The following LINGO2 variants were observed in gnomAD, a reference collection of about 807,000 sequenced individuals.
LINGO2 encodes leucine-rich repeat and immunoglobulin-like domain-containing nogo receptor-interacting protein 2.
Under a neutral mutation model 30.6 loss-of-function variants are expected in LINGO2, and 14 were observed. The ratio of observed to expected loss-of-function variants is 0.46; its 90% CI spans 0.30 to 0.72. The LOEUF (loss-of-function observed/expected upper bound fraction) is 0.72. LINGO2 is among the 30% of genes least tolerant of loss of function. The pLI is 0.07. For synonymous variants in LINGO2, 317 were observed against 288.5 expected (o/e 1.10, Z -1.00); for missense variants, 729 against 751.7 (o/e 0.97, Z 0.35).
At chr9:28,865,804 G>T in the LINGO2 span, among the ~76,000 whole-genome samples, 3 of 151,892 alleles carry the variant, frequency 2.0e-5, no homozygotes, top group Non-Finnish European at 4.4e-5. Context: ...ACAAAACAAA[G>T]AAACAAAAAA....
chr9:28,331,756 T>C (rs2134347298), intron 3 of LINGO2, among the ~76,000 whole-genome samples: 1 of 152,304 alleles, frequency 6.6e-6, no homozygotes, highest in African/African-American at 2.4e-5. Flanking sequence ...TCCTCCTGTC[T>C]TGGCCTCCCC....
chr9:28,910,591 G>A, the LINGO2 span, among the ~76,000 whole-genome samples: 1 of 151,962 alleles, frequency 6.6e-6, no homozygotes, highest in Non-Finnish European at 1.5e-5. Context: ...GTTCTTATGA[G>A]ATCTGATTGT....
chr9:28,631,446 G>T (rs556630884), intron 1 of LINGO2, among the ~76,000 whole-genome samples: 36 of 152,060 alleles, frequency 2.4e-4, no homozygotes, highest in African/African-American at 7.7e-4. Flanking sequence ...AAGGGATCCA[G>T]TTTCAGCTTT....
the LINGO2 span, among the ~76,000 whole-genome samples, chr9:28,892,622 G>A: frequency 6.6e-6 from 1 of 151,788 alleles, no homozygotes; most frequent in Non-Finnish European, 1.5e-5. Flanking sequence ...AATTTCTCTT[G>A]ACATACTCTT....
At chr9:27,943,283 A>C (rs1439505622), downstream of LINGO2, 1 of 152,146 alleles carries the variant, frequency 6.6e-6, no homozygotes, top group African/African-American at 2.4e-5. Flanking sequence ...TTCAGTATGG[A>C]CAGTTATCTT....
intron 4 of LINGO2, among the ~76,000 whole-genome samples, chr9:28,120,055 G>C (rs956486844): frequency 1.3e-5 from 2 of 152,120 alleles, no homozygotes; most frequent in Non-Finnish European, 2.9e-5. Context: ...AATTTCAATT[G>C]GGAACGGCTC....
At chr9:29,115,062 C>A in the LINGO2 span, among the ~76,000 whole-genome samples, 1 of 151,908 alleles carries the variant, frequency 6.6e-6, no homozygotes, top group Non-Finnish European at 1.5e-5. Context: ...TCTTTTAATT[C>A]ATAAAATTAA....
chr9:28,243,018 A>C (rs2133979959), intron 4 of LINGO2, among the ~76,000 whole-genome samples: 1 of 152,308 alleles, frequency 6.6e-6, no homozygotes, highest in South Asian at 2.1e-4. Context: ...ACTGCAAAAC[A>C]CAAGAAAATA....
chr9:28,742,064 C>T, the LINGO2 span, among the ~76,000 whole-genome samples: 1 of 151,974 alleles, frequency 6.6e-6, no homozygotes, highest in Non-Finnish European at 1.5e-5. Flanking sequence ...CCTTAGTCTT[C>T]AGGCACTGCC....
At chr9:28,489,184 A>G (rs983238242) in intron 1 of LINGO2, among the ~76,000 whole-genome samples, 2 of 152,128 alleles carry the variant, frequency 1.3e-5, no homozygotes, top group African/African-American at 4.8e-5. Flanking sequence ...AATGATCATG[A>G]TATCACACTT....
intron 4 of LINGO2, among the ~76,000 whole-genome samples, chr9:28,081,512 G>T (rs575068469): frequency 1.3e-5 from 2 of 152,268 alleles, no homozygotes; most frequent in East Asian, 3.9e-4. Context: ...AACATTAAAA[G>T]AAGAAAGGTA....
At chr9:29,124,038 G>T in the LINGO2 span, among the ~76,000 whole-genome samples, 1 of 152,256 alleles carries the variant, frequency 6.6e-6, no homozygotes, top group Non-Finnish European at 1.5e-5. Flanking sequence ...AACCAAAACA[G>T]CATGGTACTT....
chr9:29,210,600 A>G, the LINGO2 span, among the ~76,000 whole-genome samples: 1 of 152,188 alleles, frequency 6.6e-6, no homozygotes, highest in Non-Finnish European at 1.5e-5. Context: ...TACATGAATG[A>G]CAAACTTTAT....
intron 5 of LINGO2, among the ~76,000 whole-genome samples, chr9:27,990,084 T>C (rs549197328): frequency 5.5e-4 from 84 of 152,154 alleles, no homozygotes; most frequent in African/African-American, 1.7e-3. Context: ...AGTATTAAAA[T>C]CACTCTCCTT....
the LINGO2 span, among the ~76,000 whole-genome samples, chr9:28,999,664 T>C: frequency 6.6e-6 from 1 of 152,036 alleles, no homozygotes; most frequent in Non-Finnish European, 1.5e-5. Flanking sequence ...AATCTATTTC[T>C]GAATGTTTGA....
chr9:28,590,726 C>T (rs940954973), intron 1 of LINGO2, among the ~76,000 whole-genome samples: 2 of 152,114 alleles, frequency 1.3e-5, no homozygotes, highest in Non-Finnish European at 1.5e-5. Flanking sequence ...TAAACTAGTT[C>T]AACCACTGTG....
At chr9:29,169,386 C>T in the LINGO2 span, among the ~76,000 whole-genome samples, 1 of 151,766 alleles carries the variant, frequency 6.6e-6, no homozygotes, top group Non-Finnish European at 1.5e-5. Context: ...ATACATCTGA[C>T]AAAAGGCTAA....
chr9:28,943,463 T>G, the LINGO2 span, among the ~76,000 whole-genome samples: 8 of 152,184 alleles, frequency 5.3e-5, no homozygotes, highest in Admixed American at 2.0e-4. Flanking sequence ...TATTGTAGAT[T>G]ATACAGGTTT....
intron 4 of LINGO2, among the ~76,000 whole-genome samples, chr9:28,183,553 C>T (rs1253561299): frequency 1.3e-5 from 2 of 151,992 alleles, no homozygotes; most frequent in African/African-American, 4.8e-5. Flanking sequence ...CATTCATTTA[C>T]TTATTGTCTA....
Sources: gnomAD v4.1 joint callset for allele counts (sites outside exome capture counted in the v4.1 genomes callset) on GRCh38, gnomAD v4.1.1 for gene constraint, MANE v1.5 for transcripts, NCBI Gene and HGNC (gene_info 2026-07-23, HGNC 2026-07-21) for gene names.